NXPE2: variants seen among roughly 807,000 people sequenced by gnomAD.
NXPE2 encodes the protein NXPE family member 2.
Under a neutral mutation model 34.4 loss-of-function variants are expected in NXPE2, and 34 were observed. The ratio of observed to expected loss-of-function variants is 0.99; its 90% CI spans 0.75 to 1.31. The LOEUF (loss-of-function observed/expected upper bound fraction) is 1.31. Ranked by LOEUF, NXPE2 falls within the 40% of genes most tolerant of loss-of-function variation. NXPE2 has a pLI of 0.00. For synonymous variants in NXPE2, 235 were observed against 231.3 expected, an observed-to-expected ratio of 1.02 and a Z score of -0.15; for missense variants, 649 against 672.5, an observed-to-expected ratio of 0.97 and a Z score of 0.39.
the NXPE2 span, among the ~76,000 whole-genome samples, chr11:114,636,769 A>G: frequency 2.0e-5 from 3 of 151,526 alleles, no homozygotes; most frequent in African/African-American, 7.3e-5. Context: ...GTAGTTGAGT[A>G]GTTTTGAGTG....
At chr11:114,745,974 T>C in the NXPE2 span, among the ~76,000 whole-genome samples, 1 of 152,120 alleles carries the variant, frequency 6.6e-6, no homozygotes, top group African/African-American at 2.4e-5. Context: ...TACTCATATT[T>C]AAATATATTA....
the NXPE2 span, among the ~76,000 whole-genome samples, chr11:114,470,745 C>T: frequency 6.6e-6 from 1 of 152,078 alleles, no homozygotes; most frequent in Non-Finnish European, 1.5e-5. Flanking sequence ...GTCTCAAGTC[C>T]AAAGGCTGGA....
the NXPE2 span, among the ~76,000 whole-genome samples, chr11:114,497,033 T>A: frequency 1.3e-5 from 2 of 152,218 alleles, no homozygotes; most frequent in Admixed American, 1.3e-4. Context: ...GAGTGTACTT[T>A]TTCTACTTAT....
chr11:114,592,241 T>C, the NXPE2 span, among the ~76,000 whole-genome samples: 2 of 152,186 alleles, frequency 1.3e-5, no homozygotes, highest in Non-Finnish European at 2.9e-5. Context: ...TTGTCCCTGT[T>C]TGCAGACCAC....
the NXPE2 span, among the ~76,000 whole-genome samples, chr11:114,505,520 C>A: frequency 6.6e-6 from 1 of 152,158 alleles, no homozygotes; most frequent in Non-Finnish European, 1.5e-5. Flanking sequence ...AGATGAACAG[C>A]AGACCTCTCA....
At chr11:114,755,780 A>G in the NXPE2 span, among the ~76,000 whole-genome samples, 1 of 148,524 alleles carries the variant, frequency 6.7e-6, no homozygotes, top group African/African-American at 2.5e-5. Context: ...TATCTTATCT[A>G]TCTTGTTCTA....
the NXPE2 span, among the ~76,000 whole-genome samples, chr11:114,648,566 T>C: frequency 6.6e-6 from 1 of 152,184 alleles, no homozygotes; most frequent in Non-Finnish European, 1.5e-5. Context: ...GTAATGATTA[T>C]CAAATATGTA....
At chr11:114,678,478 G>A, upstream of NXPE2, 3 of 924,088 alleles carry the variant, frequency 3.2e-6, no homozygotes, top group Non-Finnish European at 5.0e-6. Flanking sequence ...TTTGATCAAT[G>A]AAGCTCATAG....
At chr11:114,651,044 A>C in the NXPE2 span, among the ~76,000 whole-genome samples, 1 of 152,102 alleles carries the variant, frequency 6.6e-6, no homozygotes, top group Non-Finnish European at 1.5e-5. Context: ...GGTACATTGA[A>C]GGTAATAATA....
the NXPE2 span, among the ~76,000 whole-genome samples, chr11:114,656,689 A>T: frequency 2.0e-5 from 3 of 152,266 alleles, no homozygotes; most frequent in East Asian, 5.8e-4. Flanking sequence ...TTACACCAAA[A>T]ATAGGCAAGC....
chr11:114,566,861 A>G, the NXPE2 span, among the ~76,000 whole-genome samples: 2 of 152,298 alleles, frequency 1.3e-5, no homozygotes, highest in Non-Finnish European at 2.9e-5. Flanking sequence ...CAAATGACCC[A>G]GTTGAAAGGA....
At chr11:114,765,374 G>T in the NXPE2 span, among the ~76,000 whole-genome samples, 2 of 152,154 alleles carry the variant, frequency 1.3e-5, no homozygotes, top group South Asian at 4.1e-4. Flanking sequence ...AACAGCACGT[G>T]CTCACTCCAA....
the NXPE2 span, among the ~76,000 whole-genome samples, chr11:114,497,455 C>T: frequency 9.2e-5 from 14 of 152,192 alleles, no homozygotes; most frequent in Admixed American, 9.2e-4. Flanking sequence ...TACAGGTGTA[C>T]CATTGTTTAT....
chr11:114,806,206 A>G, the NXPE2 span, among the ~76,000 whole-genome samples: 1 of 151,824 alleles, frequency 6.6e-6, no homozygotes, highest in Admixed American at 6.6e-5. Flanking sequence ...CGTCACCATC[A>G]TCAAAGACCA....
At chr11:114,657,702 G>C in the NXPE2 span, among the ~76,000 whole-genome samples, 1 of 152,020 alleles carries the variant, frequency 6.6e-6, no homozygotes, top group African/African-American at 2.4e-5. Flanking sequence ...ACTGTTTTGA[G>C]AAATAGTCCA....
At chr11:114,681,597 T>C (rs1950950672) in intron 2 of NXPE2, among the ~76,000 whole-genome samples, 1 of 152,168 alleles carries the variant, frequency 6.6e-6, no homozygotes, top group African/African-American at 2.4e-5. Flanking sequence ...CTTCTTGATT[T>C]AACACCAGAC....
At chr11:114,638,593 G>T in the NXPE2 span, among the ~76,000 whole-genome samples, 1 of 151,954 alleles carries the variant, frequency 6.6e-6, no homozygotes, top group Admixed American at 6.6e-5. Flanking sequence ...CATCTTTGTG[G>T]TTTTATCTAC....
At chr11:114,706,266 A>G (rs1026587624) in intron 5 of NXPE2, 129 bp from the exon 6 acceptor site, 12 of 713,594 alleles carry the variant, frequency 1.7e-5, no homozygotes, top group African/African-American at 1.6e-4. Context: ...TGGTAAAATT[A>G]TCCACCTTAC....
the NXPE2 span, among the ~76,000 whole-genome samples, chr11:114,632,392 T>C: frequency 6.0e-5 from 8 of 133,006 alleles, no homozygotes; most frequent in African/African-American, 2.2e-4. Context: ...ATGATATAAA[T>C]ATAAATATAC....
Sources: gnomAD v4.1 joint callset for allele counts (sites outside exome capture counted in the v4.1 genomes callset) on GRCh38, gnomAD v4.1.1 for gene constraint, MANE v1.5 for transcripts, NCBI Gene and HGNC (gene_info 2026-07-23, HGNC 2026-07-21) for gene names.